Variants in APEH observed in about 807,000 individuals in gnomAD.
APEH encodes acylaminoacyl-peptide hydrolase, also known as acylamino-acid-releasing enzyme.
APEH carries 75 observed loss-of-function variants against 102.7 expected under a neutral mutation model. That is an observed-to-expected ratio of 0.73 (90% CI 0.61 to 0.89). The LOEUF (loss-of-function observed/expected upper bound fraction) is 0.89. Among genes scored for constraint, APEH ranks in the 40% least tolerant of loss-of-function variants. APEH has a pLI of 0.00. For synonymous variants in APEH, 344 were observed against 362.7 expected (o/e 0.95, Z 0.59); for missense variants, 863 against 941.2 (o/e 0.92, Z 1.09).
rs1319443216 is a variant in APEH at position 49,675,317 on chromosome 3, T to G, written c.272+8T>G. On this transcript the variant is annotated splice_region_variant and intron_variant, in intron 3 of 21. Transcript: ENST00000296456. Reference sequence around the variant, plus strand: ...TGTGGAGACCCGGGGGGAGTAAGTTTGAGGGAGGAAGCTTGTGGGCAAGGC... The same window carrying G: ...TGTGGAGACCCGGGGGGAGTAAGTTGGAGGGAGGAAGCTTGTGGGCAAGGC... The G allele has an allele frequency of 6.2e-7, 1 of 1,613,404 alleles. No homozygotes were observed. Among genetic ancestry groups the G allele is most frequent in the South Asian group, 1.1e-5 (1 of 90,982 alleles).
chr3:49,682,995 A>G, intron 20 of APEH, 45 bp from the exon 21 acceptor site: 1 of 1,611,250 alleles, frequency 6.2e-7, no homozygotes, highest in Non-Finnish European at 8.5e-7. Context: ...TCCAGAATCC[A>G]GGGCCCAGCT....
intron 2 of APEH, 104 bp from the exon 3 acceptor site, chr3:49,675,079 A>G: frequency 6.8e-7 from 1 of 1,467,044 alleles, no homozygotes; most frequent in Non-Finnish European, 9.4e-7. Context: ...ACAGATTGAG[A>G]GATTGGGGAA....
chr3:49,678,140 G>A (rs1218838136), intron 11 of APEH, among the ~76,000 whole-genome samples: 3 of 152,146 alleles, frequency 2.0e-5, no homozygotes, highest in Non-Finnish European at 2.9e-5. Context: ...AGAGGCTCCC[G>A]TCTCGAGTGT....
intron 14 of APEH, 119 bp from the exon 15 acceptor site, chr3:49,680,982 C>T: frequency 7.6e-7 from 1 of 1,312,902 alleles, no homozygotes; most frequent in Non-Finnish European, 1.0e-6. Flanking sequence ...CCATGCTGTA[C>T]CTTCTGGAGG....
chr3:49,682,322 A>G, intron 17 of APEH, 26 bp from the exon 18 acceptor site: 1 of 1,592,348 alleles, frequency 6.3e-7, no homozygotes, highest in South Asian at 1.1e-5. Flanking sequence ...GCCTGACTAC[A>G]CTGTCTGGTC....
chr3:49,682,999 C>T (rs764522195), intron 20 of APEH, 41 bp from the exon 21 acceptor site: 2 of 1,610,972 alleles, frequency 1.2e-6, no homozygotes, highest in Non-Finnish European at 1.7e-6. Context: ...GAATCCAGGG[C>T]CCAGCTCAAC....
Position 49,683,899 on chromosome 3 carries a change from A to AAG in APEH, c.*558_*559dup. 7.0e-7 allele frequency: 1 copy of AAG among 1,421,618 alleles called. No individual in the cohort carries two copies. Among genetic ancestry groups the AAG allele is most frequent in the Non-Finnish European group, 9.5e-7 (1 of 1,052,690 alleles). 88.1% of individuals were successfully genotyped at this position (1,421,618 alleles called of 1,614,324 possible). On this transcript the variant is annotated 3_prime_UTR_variant, in exon 22 of 22. Transcript: ENST00000296456. Reference sequence around the variant, plus strand: ...GGGCTCAAGCCACCCGAGCCCTAGCAAGGAGTCACTGACACATTTCCTGGA... The same window carrying AAG: ...GGGCTCAAGCCACCCGAGCCCTAGCAAGAGGAGTCACTGACACATTTCCTGGA...
chr3:49,682,847 G>A lies in APEH; in HGVS notation c.1888G>A (p.Val630Met), dbSNP rs368879183. The stretch of plus-strand genomic sequence containing the variant: ...CAACAGCTCGGTGTCTTGCAGGTGC[G>A]TGGTGGAGGCTGGCTTTCCTTTCAG... ...LGSTDIPDWC[V>M]VEAGFPFSSD... The change falls in exon 20 of 22, where the codon GTG (valine) becomes ATG (methionine). Residue 630 changes from valine (V) to methionine (M), a missense_variant. Transcript: ENST00000296456. The A allele has an allele frequency of 3.8e-5, 61 of 1,613,940 alleles. No individual in the cohort carries two copies. The South Asian group carries it at 4.6e-4, about 12-fold the overall frequency.
At position 49,674,638 on chromosome 3, in the gene APEH, G is replaced by A; in HGVS notation, c.145+17G>A. The A allele has an allele frequency of 6.3e-7, 1 of 1,586,256 alleles. No individual in the cohort carries two copies. Among genetic ancestry groups the A allele is most frequent in the Non-Finnish European group, 8.5e-7 (1 of 1,175,666 alleles). ...TGCACACTGGTGTGTGTGCGAAGGG[G>A]AACTGGCTGGCGACGGGGTCGCGCA... On this transcript the variant is annotated intron_variant, in intron 2 of 21. Transcript: ENST00000296456.
Position 49,676,885 on chromosome 3 carries a change from T to A in APEH, c.878-18T>A. On this transcript the variant is annotated intron_variant, in intron 9 of 21. Coordinates refer to ENST00000296456, the MANE Select transcript of APEH (RefSeq NM_001640.4). ...GCCCTGCCAGCCTGCGTGATGCTCA[T>A]GTTTCCATCTGGCCCAGAGCTCCTC... The A allele has an allele frequency of 6.2e-7, 1 of 1,614,254 alleles. No individual in the cohort carries two copies. The highest frequency in any genetic ancestry group is 1.1e-5 in the South Asian group (1 of 91,088).
At chr3:49,680,902 G>C (rs1212574397) in intron 14 of APEH, among the ~76,000 whole-genome samples, 199 bp from the exon 15 acceptor site, 1 of 152,258 alleles carries the variant, frequency 6.6e-6, no homozygotes, top group African/African-American at 2.4e-5. Flanking sequence ...AAGCTGAGGA[G>C]GGAGGGGTGT....
Position 49,683,902 on chromosome 3 carries a change from G to T in APEH, c.*560G>T. On this transcript the variant is annotated 3_prime_UTR_variant, in exon 22 of 22. Transcript: ENST00000296456. ...CTCAAGCCACCCGAGCCCTAGCAAG[G>T]AGTCACTGACACATTTCCTGGAAGC... The T allele has an allele frequency of 7.0e-7, 1 of 1,431,356 alleles. No homozygotes were observed. Among genetic ancestry groups the T allele is most frequent in the Non-Finnish European group, 9.4e-7 (1 of 1,060,504 alleles). 88.7% of individuals were successfully genotyped at this position (1,431,356 alleles called of 1,614,324 possible).
intron 11 of APEH, among the ~76,000 whole-genome samples, chr3:49,677,994 A>T (rs2053146312): frequency 6.6e-6 from 1 of 152,274 alleles, no homozygotes; most frequent in African/African-American, 2.4e-5. Context: ...GAAGTGCACT[A>T]GGTTGGAATG....
intron 13 of APEH, chr3:49,680,245 C>T: frequency 2.5e-6 from 1 of 397,238 alleles, no homozygotes; most frequent in Non-Finnish European, 4.8e-6. Flanking sequence ...ACTTCCCGGT[C>T]CCAGCTGCCA....
rs916047338 is a variant in APEH at position 49,679,937 on chromosome 3, A to T, written c.1210+293A>T. ...CACCTCTGCTCCTAAAACCCACAAA[A>T]CTCTCTCTTATCAAGATCTGCCAGA... On this transcript the variant is annotated intron_variant, in intron 13 of 21. Coordinates refer to ENST00000296456, the MANE Select transcript of APEH (RefSeq NM_001640.4). This position sits in a 1 kb window ranked among gnomAD's most constrained non-coding sequence, Gnocchi z 4.3. The T allele has an allele frequency of 6.2e-6, 2 of 320,920 alleles. No homozygotes were observed. The highest frequency in any genetic ancestry group is 2.2e-5 in the African/African-American group (1 of 46,296). The allele number at this position is 320,920 out of a possible 1,614,324, so 19.9% of individuals were successfully genotyped here. A position where few individuals can be genotyped will look rare whatever the true frequency, so the allele number is the denominator to read the frequency against.
Position 49,683,722 on chromosome 3 carries a change from C to A in APEH, c.*380C>A, listed in dbSNP as rs760128732. ...CTGCTGCAGCCCCTTCCATTAGCAA[C>A]TACTCTGTACCACCCTTCCCAAGAG... On this transcript the variant is annotated 3_prime_UTR_variant, in exon 22 of 22. Transcript: ENST00000296456. 43 of 482,104 alleles carry A rather than the reference C, an allele frequency of 8.9e-5. No homozygotes were observed. Among genetic ancestry groups the A allele is most frequent in the Non-Finnish European group, 1.5e-4 (40 of 268,058 alleles). The allele number at this position is 482,104 out of a possible 1,614,324, so 29.9% of individuals were successfully genotyped here.
chr3:49,677,944 G>T (rs1422319204), intron 11 of APEH, among the ~76,000 whole-genome samples: 1 of 152,146 alleles, frequency 6.6e-6, no homozygotes, highest in Non-Finnish European at 1.5e-5. Flanking sequence ...TCCAATGGCT[G>T]GTTCAAACCA....
Position 49,676,184 on chromosome 3 carries a change from A to C in APEH, c.571A>C (p.Ile191Leu). The C allele has an allele frequency of 6.2e-7, 1 of 1,614,134 alleles. No homozygotes were observed. Among genetic ancestry groups the C allele is most frequent in the Non-Finnish European group, 8.5e-7 (1 of 1,180,034 alleles). ...GGACGTCAGTGCCAGCGATGATGAGATAGCCAGGCTGAAGAAGCCAGACCA... is the reference window on the plus strand; with the variant it reads ...GGACGTCAGTGCCAGCGATGATGAGCTAGCCAGGCTGAAGAAGCCAGACCA... The part of the protein sequence containing the change: ...ALDVSASDDE[I>L]ARLKKPDQAI... The change falls in exon 6 of 22, where the codon ATA becomes CTA. Residue 191 changes from isoleucine (I) to leucine (L), a missense_variant. By Grantham distance (5) the Ile-to-Leu change is conservative. Transcript: ENST00000296456.
At position 49,683,850 on chromosome 3, in the gene APEH, A is replaced by C. The variant is rs2053467606; in HGVS notation, c.*508A>C. 8 of 928,852 alleles carry C rather than the reference A, an allele frequency of 8.6e-6. No individual in the cohort carries two copies. In the South Asian group the frequency reaches 8.8e-5, roughly 10 times the overall value. The allele number at this position is 928,852 out of a possible 1,614,324, so 57.5% of individuals were successfully genotyped here. A position where few individuals can be genotyped will look rare whatever the true frequency, so the allele number is the denominator to read the frequency against. ...GGTTGGGGAAGCCCCTAGGCTGGAC[A>C]GATCACCTAGCCCAGGGTGTGCTGG... On this transcript the variant is annotated 3_prime_UTR_variant, in exon 22 of 22. Transcript: ENST00000296456.
Sources: gnomAD v4.1 joint callset for allele counts (sites outside exome capture counted in the v4.1 genomes callset) on GRCh38, gnomAD v4.1.1 for gene constraint, Gnocchi (gnomAD v3.1) non-coding constraint, MANE v1.5 for transcripts, NCBI Gene and HGNC (gene_info 2026-07-23, HGNC 2026-07-21) for gene names.